The following SDS variants were observed in gnomAD, a reference collection of about 807,000 sequenced individuals.
SDS encodes the protein L-serine dehydratase/L-threonine deaminase.
SDS carries 19 observed loss-of-function variants against 29.3 expected under a neutral mutation model. That is an observed-to-expected ratio of 0.65 (90% CI 0.45 to 0.95). The LOEUF (loss-of-function observed/expected upper bound fraction) is 0.95, where lower values mean the gene tolerates loss of function less well. Among genes scored for constraint, SDS ranks in the 40% least tolerant of loss-of-function variants. SDS has a pLI of 0.00. For missense variants in SDS, 375 were observed against 439.9 expected (o/e 0.85, Z 1.32); for synonymous variants, 176 against 189.0 (o/e 0.93, Z 0.56).
In SDS at chr12:113,392,544, G is replaced by A. The variant is rs1482721466; in HGVS notation, c.*397C>T. ...GGCTTCCTGGGAGGATGGCTGAGAT[G>A]GTTCCTCAACCCTGGTTGGTGGCCC... On this transcript the variant is annotated 3_prime_UTR_variant, in exon 8 of 8. Coordinates refer to ENST00000257549, the MANE Select transcript of SDS (RefSeq NM_006843.3). 2.4e-5 allele frequency: 5 copies of A among 205,746 alleles called. No individual in the cohort carries two copies. Among genetic ancestry groups the A allele is most frequent in the Non-Finnish European group, 4.8e-5 (5 of 104,772 alleles). The allele number at this position is 205,746 out of a possible 1,614,324, so 12.7% of individuals were successfully genotyped here.
rs577088400 is a variant in SDS, at chr12:113,398,979, C to T, written c.193+133G>A. The T allele has an allele frequency of 3.8e-5, 59 of 1,539,518 alleles. No homozygotes were observed. In the African/African-American group the frequency reaches 7.2e-4, roughly 19 times the overall value. ...ACCCTGGGCGACTGCTGGCCTCCCC[C>T]TGGAATTCCAAATTGGTGGCTGCTG... On this transcript the variant is annotated intron_variant, in intron 3 of 7. Coordinates refer to ENST00000257549, the MANE Select transcript of SDS (RefSeq NM_006843.3).
chr12:113,393,780 A>T (rs1957626435), intron 7 of SDS, 112 bp downstream of exon 7: 9 of 1,423,416 alleles, frequency 6.3e-6, no homozygotes, highest in Non-Finnish European at 8.8e-6. Flanking sequence ...GAGGTGGAAG[A>T]CAGAACTGTG....
chr12:113,399,811 G>A, intron 1 of SDS, 101 bp from the exon 2 acceptor site: 1 of 1,218,388 alleles, frequency 8.2e-7, no homozygotes. Context: ...GCCAAGCAAG[G>A]CCTCAGACGA....
intron 3 of SDS, 118 bp downstream of exon 3, chr12:113,398,994 G>C: frequency 1.3e-6 from 2 of 1,543,450 alleles, no homozygotes; most frequent in Non-Finnish European, 1.8e-6. Context: ...ATTCCAAATT[G>C]GTGGCTGCTG....
chr12:113,399,441 G>A, intron 2 of SDS, 115 bp downstream of exon 2: 1 of 1,251,960 alleles, frequency 8.0e-7, no homozygotes, highest in South Asian at 1.6e-5. Flanking sequence ...AGTCCTTGCG[G>A]GGAGTCAGTA....
chr12:113,397,052 TC>T, intron 6 of SDS, 112 bp downstream of exon 6: 1 of 975,588 alleles, frequency 1.0e-6, no homozygotes, highest in African/African-American at 1.6e-5. Context: ...GATCAAAGCC[TC>T]CATTGTCTCA....
intron 7 of SDS, 122 bp from the exon 8 acceptor site, chr12:113,393,271 G>T (rs1386184519): frequency 7.2e-6 from 7 of 967,076 alleles, no homozygotes; most frequent in East Asian, 5.0e-5. Flanking sequence ...GGCTGCAGCC[G>T]CAGGTCCTGA....
chr12:113,396,541 T>C (rs1438084780), intron 6 of SDS: 31 of 30,856 alleles, frequency 1.0e-3, no homozygotes, highest in Admixed American at 1.7e-3. Flanking sequence ...TCCCTCCCTC[T>C]CTCCCTTCCT....
chr12:113,397,424 G>A (rs1329896950), intron 5 of SDS, 32 bp from the exon 6 acceptor site: 4 of 1,557,040 alleles, frequency 2.6e-6, no homozygotes, highest in South Asian at 2.4e-5. Context: ...TGGCAGGTCA[G>A]GGCTAGGCTT....
At chr12:113,398,354 A>G (rs1957661230) in intron 5 of SDS, among the ~76,000 whole-genome samples, 161 bp downstream of exon 5, 1 of 152,214 alleles carries the variant, frequency 6.6e-6, no homozygotes, top group African/African-American at 2.4e-5. Flanking sequence ...TACAGGCGTG[A>G]GCCACTGTGC....
chr12:113,397,393 C>T lies in SDS; in HGVS notation c.426-1G>A. 1.2e-6 allele frequency: 2 copies of T among 1,601,540 alleles called. No individual in the cohort carries two copies. The highest frequency in any genetic ancestry group is 1.7e-6 in the Non-Finnish European group (2 of 1,171,000). ...TTTCACGATGGAAGCGTGGCCTTCC[C>T]TGGAGGGTGGGGAGAGGGGGTGGCA... On this transcript the variant is annotated splice_acceptor_variant, in intron 5 of 7. Coordinates refer to ENST00000257549, the MANE Select transcript of SDS (RefSeq NM_006843.3). LOFTEE classifies it high-confidence loss of function.
At chr12:113,401,617 CT>C (rs1957685241) in intron 1 of SDS, among the ~76,000 whole-genome samples, 2 of 152,144 alleles carry the variant, frequency 1.3e-5, no homozygotes, top group Non-Finnish European at 2.9e-5. Flanking sequence ...CAAAGTCACG[CT>C]GTGAGTGAGG....
chr12:113,401,468 G>A (rs1373217024), intron 1 of SDS, among the ~76,000 whole-genome samples: 2 of 152,070 alleles, frequency 1.3e-5, no homozygotes, highest in African/African-American at 2.4e-5. Context: ...CTGGCCTCAA[G>A]CGTTCTGCCC....
intron 6 of SDS, among the ~76,000 whole-genome samples, chr12:113,396,425 CTTTCTTTCTCTT>C (rs982344189): frequency 6.8e-6 from 1 of 148,136 alleles, no homozygotes; most frequent in Admixed American, 6.8e-5. Flanking sequence ...TTCTTTCTCT[CTTTCTTTCTCTT>C]TCTTTTTCTT....
Position 113,397,305 on chromosome 12 carries a change from G to T in SDS, c.513C>A (p.Gly171=). 1.2e-6 allele frequency: 2 copies of T among 1,614,064 alleles called. No individual in the cohort carries two copies. Among genetic ancestry groups the T allele is most frequent in the Middle Eastern group, 1.6e-4 (1 of 6,062 alleles). The change falls in exon 6 of 8, where the codon GGC becomes GGA. Residue 171 remains glycine, a synonymous_variant. Coordinates refer to ENST00000257549, the MANE Select transcript of SDS (RefSeq NM_006843.3). ...GCCCCTGGACCACTCCACACAGCAG[G>T]CCCCCGCCGCCCACTGACAGCGCGA... ...GAIALSVGGG[G]LLCGVVQGLQ...
chr12:113,394,138 G>T, intron 6 of SDS, 122 bp from the exon 7 acceptor site: 1 of 880,330 alleles, frequency 1.1e-6, no homozygotes, highest in Non-Finnish European at 1.8e-6. Context: ...GGGGCAGGGG[G>T]ACAGGTATCA....
intron 6 of SDS, among the ~76,000 whole-genome samples, chr12:113,395,833 C>T (rs183332242): frequency 2.6e-4 from 39 of 152,268 alleles, no homozygotes; most frequent in Non-Finnish European, 4.4e-4. Flanking sequence ...ATCTACCAGC[C>T]GGGTGCGGTG....
chr12:113,400,836 T>A (rs569164749), intron 1 of SDS, among the ~76,000 whole-genome samples: 1 of 151,964 alleles, frequency 6.6e-6, no homozygotes, highest in Non-Finnish European at 1.5e-5. Flanking sequence ...TGTGCCTCTA[T>A]TACTTACTTA....
chr12:113,399,551 C>G lies in SDS; in HGVS notation c.153+5G>C, dbSNP rs2303622. The G allele has an allele frequency of 6.3e-7, 1 of 1,575,100 alleles. No homozygotes were observed. Among genetic ancestry groups the G allele is most frequent in the Admixed American group, 1.8e-5 (1 of 55,994 alleles). ...TGCCCAGATAATGCTGACCCGGTCC[C>G]GTACCCTCTTGCAGAAGTGCCCAAT... On this transcript the variant is annotated splice_donor_5th_base_variant and intron_variant, in intron 2 of 7. Transcript: ENST00000257549.
Sources: gnomAD v4.1 joint callset for allele counts (sites outside exome capture counted in the v4.1 genomes callset) on GRCh38, gnomAD v4.1.1 for gene constraint, MANE v1.5 for transcripts, NCBI Gene and HGNC (gene_info 2026-07-23, HGNC 2026-07-21) for gene names.